Variants in UBE2QL1 observed in about 807,000 individuals in gnomAD.
UBE2QL1 encodes ubiquitin conjugating enzyme E2 QL1.
Under a neutral mutation model 12.6 loss-of-function variants are expected in UBE2QL1, and 5 were observed. The observed-to-expected ratio is 0.40, with a 90% confidence interval of 0.21 to 0.83. UBE2QL1 has a LOEUF of 0.83. UBE2QL1 is among the 40% of genes least tolerant of loss of function. The pLI, the probability that UBE2QL1 is intolerant of heterozygous loss-of-function variation, is 0.37. For synonymous variants in UBE2QL1, 96 were observed against 94.5 expected (o/e 1.02, Z -0.10); for missense variants, 99 against 222.6 (o/e 0.44, Z 3.53).
rs1734225125 is a variant in UBE2QL1, at chr5:6,476,060, C to T, written c.355-15158C>T. On this transcript the variant is annotated intron_variant, in intron 1 of 1. Transcript: ENST00000399816. The surrounding 1 kb of genome is among the most constrained non-coding windows in gnomAD (Gnocchi z 4.9). ...TCACACCCACTGAAATGGCTCAGAA[C>T]ACTTTCAGGACTTCAAAATCAGGGT... 6.6e-6 allele frequency among the ~76,000 whole-genome samples: 1 copy of T among 152,140 alleles called. No individual in the cohort carries two copies. The highest frequency in any genetic ancestry group is 2.4e-5 in the African/African-American group (1 of 41,430).
At chr5:6,460,021 C>T (rs534595027) in intron 1 of UBE2QL1, among the ~76,000 whole-genome samples, 34 of 152,146 alleles carry the variant, frequency 2.2e-4, no homozygotes, top group Non-Finnish European at 3.8e-4. Flanking sequence ...AAACCTTATT[C>T]TGCAGCTCAG....
At chr5:6,466,107 A>G (rs172059) in intron 1 of UBE2QL1, among the ~76,000 whole-genome samples, 82,017 of 151,408 alleles carry the variant, frequency 0.54, 22,245 homozygotes, top group Middle Eastern at 0.59. Flanking sequence ...AGGCATGGAG[A>G]GGCTGAGGCC....
intron 1 of UBE2QL1, among the ~76,000 whole-genome samples, chr5:6,474,664 C>T (rs75200082): frequency 1.6e-3 from 247 of 152,264 alleles, no homozygotes; most frequent in African/African-American, 5.7e-3. Flanking sequence ...CTGTGGCATG[C>T]GGGGGCCTTC....
chr5:6,484,279 C>G (rs1734422488), intron 1 of UBE2QL1, among the ~76,000 whole-genome samples: 1 of 152,186 alleles, frequency 6.6e-6, no homozygotes, highest in Admixed American at 6.5e-5. Flanking sequence ...TACTCCAAGT[C>G]CTGGTTTCCT....
chr5:6,456,545 C>T (rs935581261), intron 1 of UBE2QL1, among the ~76,000 whole-genome samples: 23 of 152,304 alleles, frequency 1.5e-4, no homozygotes, highest in African/African-American at 5.5e-4. Flanking sequence ...CTCAGTAAGT[C>T]GGCAAGCTAA....
At chr5:6,485,923 T>A (rs1734459878) in intron 1 of UBE2QL1, among the ~76,000 whole-genome samples, 1 of 152,214 alleles carries the variant, frequency 6.6e-6, no homozygotes, top group Admixed American at 6.5e-5. Flanking sequence ...TGAATTTGCC[T>A]GTGGACATTT....
chr5:6,455,478 C>T lies in UBE2QL1; in HGVS notation c.354+6231C>T, dbSNP rs188473925. On this transcript the variant is annotated intron_variant, in intron 1 of 1. Coordinates refer to ENST00000399816, the MANE Select transcript of UBE2QL1 (RefSeq NM_001145161.3). ...GCTGCCCTAGATGTGTTGATGTAGT[C>T]GGGAGGGGAGAGGACGGCTGGCCAC... Among the ~76,000 whole-genome samples the T allele has an allele frequency of 2.0e-5, 3 of 152,186 alleles. No homozygotes were observed. The East Asian group carries it at 5.8e-4, about 29-fold the overall frequency.
At chr5:6,486,838 T>C (rs10071086) in intron 1 of UBE2QL1, among the ~76,000 whole-genome samples, 43,926 of 152,100 alleles carry the variant, frequency 0.29, 11,127 homozygotes, top group African/African-American at 0.69. Flanking sequence ...TCATTACTCA[T>C]GGGGTGCCAC....
At chr5:6,477,339 G>T (rs1401553560) in intron 1 of UBE2QL1, among the ~76,000 whole-genome samples, 1 of 152,160 alleles carries the variant, frequency 6.6e-6, no homozygotes, top group Non-Finnish European at 1.5e-5. Context: ...TTGCACTGAA[G>T]GTCAGCCTGC....
At chr5:6,455,387 A>G (rs1739499269) in intron 1 of UBE2QL1, among the ~76,000 whole-genome samples, 1 of 152,170 alleles carries the variant, frequency 6.6e-6, no homozygotes, top group Admixed American at 6.5e-5. Context: ...AGTTCAGGAA[A>G]CAAAACAGAC....
At chr5:6,459,320 G>A (rs564002934) in intron 1 of UBE2QL1, among the ~76,000 whole-genome samples, 4 of 152,330 alleles carry the variant, frequency 2.6e-5, no homozygotes, top group African/African-American at 9.6e-5. Flanking sequence ...GAACTGAATT[G>A]AATTAAAGTG....
In UBE2QL1 at chr5:6,496,301, C is replaced by A. The variant is rs902008131; in HGVS notation, c.*4952C>A. On this transcript the variant is annotated 3_prime_UTR_variant, in exon 2 of 2. Transcript: ENST00000399816. ...CATGCAATCGTTTTGTACCTCTAGA[C>A]CTTGGGCAGTCACTGGTGATGACAC... Among the ~76,000 whole-genome samples, 1 of 152,194 alleles carries A rather than the reference C, an allele frequency of 6.6e-6. No homozygotes were observed. Among genetic ancestry groups the A allele is most frequent in the Non-Finnish European group, 1.5e-5 (1 of 68,042 alleles).
At chr5:6,489,339 G>T (rs1229219356) in intron 1 of UBE2QL1, among the ~76,000 whole-genome samples, 1 of 151,848 alleles carries the variant, frequency 6.6e-6, no homozygotes, top group Non-Finnish European at 1.5e-5. Context: ...CAGGAGGATT[G>T]TTTGAGCCCA....
intron 1 of UBE2QL1, among the ~76,000 whole-genome samples, chr5:6,473,433 C>T (rs1183624346): frequency 6.6e-6 from 1 of 152,208 alleles, no homozygotes; most frequent in East Asian, 1.9e-4. Flanking sequence ...AGCATGTCAG[C>T]ATCAGCGCCC....
At chr5:6,463,028 T>C (rs1739709286) in intron 1 of UBE2QL1, among the ~76,000 whole-genome samples, 1 of 152,250 alleles carries the variant, frequency 6.6e-6, no homozygotes, top group Non-Finnish European at 1.5e-5. Context: ...ACTTCTTCGC[T>C]ACTGACTCTT....
intron 1 of UBE2QL1, among the ~76,000 whole-genome samples, chr5:6,484,597 C>CA (rs1389218281): frequency 6.6e-6 from 1 of 152,160 alleles, no homozygotes; most frequent in African/African-American, 2.4e-5. Context: ...AGTCGCACAT[C>CA]AGAGTCGAGC....
chr5:6,473,358 G>C (rs933373385), intron 1 of UBE2QL1, among the ~76,000 whole-genome samples: 1 of 152,182 alleles, frequency 6.6e-6, no homozygotes, highest in Non-Finnish European at 1.5e-5. Flanking sequence ...GCCAGTGTCT[G>C]CTCTCTATCT....
chr5:6,489,249 A>AC (rs1734520340), intron 1 of UBE2QL1, among the ~76,000 whole-genome samples: 1 of 152,058 alleles, frequency 6.6e-6, no homozygotes, highest in Non-Finnish European at 1.5e-5. Flanking sequence ...ATATAGTGAG[A>AC]CCCCATCTCT....
intron 1 of UBE2QL1, among the ~76,000 whole-genome samples, chr5:6,455,905 C>G (rs918762739): frequency 2.6e-5 from 4 of 152,170 alleles, no homozygotes; most frequent in Admixed American, 6.5e-5. Flanking sequence ...AGATGCCATC[C>G]TAAAGCCAGC....
Sources: allele counts gnomAD v4.1 joint callset (sites outside exome capture counted in the v4.1 genomes callset), GRCh38; gene constraint gnomAD v4.1.1; non-coding constraint Gnocchi (gnomAD v3.1); transcripts MANE v1.5; gene names NCBI Gene and HGNC (gene_info 2026-07-23, HGNC 2026-07-21).